Variants in USP26 observed in about 807,000 individuals in gnomAD.
USP26 encodes the protein ubiquitin carboxyl-terminal hydrolase 26.
For missense variants in USP26, 649 were observed against 642.3 expected (o/e 1.01, Z -0.11); for synonymous variants, 236 against 240.6 (o/e 0.98, Z 0.18).
intron 5 of USP26, among the ~76,000 whole-genome samples, chrX:133,076,866 G>A (rs2067550607): frequency 8.9e-6 from 1 of 112,087 alleles, no homozygotes; most frequent in African/African-American, 3.2e-5. Context: ...TGTGCTACAA[G>A]CCATTCAGAT....
In USP26 at chrX:133,026,001, C is replaced by T; in HGVS notation, c.2220G>A (p.Gln740=). Residue 740 remains glutamine (Q), a synonymous_variant, in exon 6 of 6, where the codon CAG becomes CAA. Transcript: ENST00000511190. ...CACAGATTCTCATACCGTCACACTG[C>T]TGAGTCTGTTCAGACACTTTTTGGA... ...ERFQKVSEQT[Q]QCDGMRICEQ... 1 of 1,210,293 alleles carries T rather than the reference C, an allele frequency of 8.3e-7. No individual in the cohort carries two copies. The highest frequency in any genetic ancestry group is 3.0e-5 in the East Asian group (1 of 33,803).
chrX:133,037,012 T>C (rs2067398400), intron 5 of USP26, among the ~76,000 whole-genome samples: 1 of 112,331 alleles, frequency 8.9e-6, no homozygotes, highest in Admixed American at 9.4e-5. Context: ...TTCACGCACT[T>C]TTTGATGGGG....
chrX:133,034,063 C>T (rs190301345), intron 5 of USP26, among the ~76,000 whole-genome samples: 129 of 111,610 alleles, frequency 1.2e-3, no homozygotes, highest in South Asian at 7.9e-3. Context: ...CACTTTATTT[C>T]GATGATTCCC....
At chrX:133,051,811 G>A (rs1403332399) in intron 5 of USP26, among the ~76,000 whole-genome samples, 1 of 112,256 alleles carries the variant, frequency 8.9e-6, no homozygotes, top group Non-Finnish European at 1.9e-5. Flanking sequence ...ATGCCTAAAT[G>A]ATTCTGTACT....
intron 4 of USP26, among the ~76,000 whole-genome samples, chrX:133,085,038 C>T (rs1479604669): frequency 8.9e-6 from 1 of 111,980 alleles, no homozygotes; most frequent in African/African-American, 3.2e-5. Context: ...AAGTGATTCT[C>T]GTGCCTCAGC....
At chrX:133,068,115 G>A (rs1840199394) in intron 5 of USP26, among the ~76,000 whole-genome samples, 1 of 111,814 alleles carries the variant, frequency 8.9e-6, no homozygotes, top group South Asian at 3.7e-4. Context: ...TATGGATGGA[G>A]CTGGAAGCTA....
rs1270620466 is a variant in USP26, at chrX:133,026,523, T to G, written c.1698A>C (p.Glu566Asp). 1 of 1,206,340 alleles carries G rather than the reference T, an allele frequency of 8.3e-7. No individual in the cohort carries two copies. The highest frequency in any genetic ancestry group is 1.1e-6 in the Non-Finnish European group (1 of 894,276). The change falls in exon 6 of 6, where the codon GAA (glutamate) becomes GAC (aspartate). Residue 566 changes from glutamate to aspartate, a missense_variant. Glu to Asp is a conservative substitution (Grantham distance 45). Coordinates refer to ENST00000511190, the MANE Select transcript of USP26 (RefSeq NM_031907.3). ...RPPLPLSEDGEITDFQLLKVI... is the reference protein window; with the variant it reads ...RPPLPLSEDGDITDFQLLKVI... ...CTTTTAATAATTGGAAATCTGTAAT[T>G]TCTCCATCCTCACTCAAGGGAAGAG...
At position 133,023,707 on chromosome X, in the gene USP26, A is replaced by G. The variant is rs767281523; in HGVS notation, c.*1772T>C. The stretch of plus-strand genomic sequence containing the variant: ...TTCAGGTCTCATAAGACCTCCTTCT[A>G]GATAAACTGTGTTCTGAATACAATC... On this transcript the variant is annotated 3_prime_UTR_variant, in exon 6 of 6. Coordinates refer to ENST00000511190, the MANE Select transcript of USP26 (RefSeq NM_031907.3). Among the ~76,000 whole-genome samples the G allele has an allele frequency of 3.6e-5, 4 of 111,763 alleles. No homozygotes were observed. The East Asian group carries it at 1.1e-3, about 32-fold the overall frequency.
At chrX:133,036,848 C>T (rs2067397673) in intron 5 of USP26, among the ~76,000 whole-genome samples, 1 of 112,217 alleles carries the variant, frequency 8.9e-6, no homozygotes, top group Admixed American at 9.4e-5. Context: ...CTGTTGTTTC[C>T]AGACTTTTTA....
intron 5 of USP26, among the ~76,000 whole-genome samples, chrX:133,063,237 C>T (rs1602982236): frequency 1.8e-5 from 2 of 111,147 alleles, no homozygotes; most frequent in East Asian, 5.7e-4. Flanking sequence ...TGTGAAAAGA[C>T]CAAACCTACG....
In USP26 at chrX:133,024,887, C is replaced by G. The variant is rs1324874683; in HGVS notation, c.*592G>C. The G allele has an allele frequency of 8.9e-6, 1 of 112,266 alleles. No individual in the cohort carries two copies. Among genetic ancestry groups the G allele is most frequent in the African/African-American group, 3.3e-5 (1 of 30,193 alleles). 9.3% of individuals were successfully genotyped at this position (112,266 alleles called of 1,213,427 possible). On this transcript the variant is annotated 3_prime_UTR_variant, in exon 6 of 6. Coordinates refer to ENST00000511190, the MANE Select transcript of USP26 (RefSeq NM_031907.3). ...AAGATTTTGCATTTCAAATGACTACCCCCATGCTCCTGGTGCTGCTAGTTT... is the reference window on the plus strand; with the variant it reads ...AAGATTTTGCATTTCAAATGACTACGCCCATGCTCCTGGTGCTGCTAGTTT...
intron 5 of USP26, among the ~76,000 whole-genome samples, chrX:133,032,454 A>G (rs1227261025): frequency 8.9e-6 from 1 of 112,068 alleles, no homozygotes; most frequent in Non-Finnish European, 1.9e-5. Flanking sequence ...GGAGCATGGT[A>G]AAAGAATTGA....
chrX:133,060,932 T>C (rs1266836969), intron 5 of USP26, among the ~76,000 whole-genome samples: 1 of 111,615 alleles, frequency 9.0e-6, no homozygotes, highest in Admixed American at 9.5e-5. Flanking sequence ...GTCACTGTAT[T>C]ATATTAGGTA....
intron 5 of USP26, among the ~76,000 whole-genome samples, chrX:133,041,556 T>C (rs2067419246): frequency 8.9e-6 from 1 of 112,133 alleles, no homozygotes; most frequent in African/African-American, 3.2e-5. Flanking sequence ...TGCCTGCTCC[T>C]TCCTCTGGAA....
At position 133,094,410 on chromosome X, in the gene USP26, C is replaced by CTTT. The variant is rs150988266; in HGVS notation, c.-393+2617_-393+2619dup. 8.5e-3 allele frequency among the ~76,000 whole-genome samples: 854 copies of CTTT among 100,514 alleles called. 24 individuals are homozygous for CTTT. In the East Asian group the frequency reaches 0.093, roughly 11 times the overall value. The allele number at this position is 100,514 out of a possible 115,157, so 87.3% of individuals were successfully genotyped here. A position where few individuals can be genotyped will look rare whatever the true frequency, so the allele number is the denominator to read the frequency against. On this transcript the variant is annotated intron_variant, in intron 1 of 5. Transcript: ENST00000511190. Reference sequence around the variant, plus strand: ...GTCCTCCTTATTCTTAAATAGAAACCTTTTTTTTTTTTTTCTGGGAAGGAA... The same window carrying CTTT: ...GTCCTCCTTATTCTTAAATAGAAACCTTTTTTTTTTTTTTTTTCTGGGAAGGAA...
chrX:133,041,212 T>C (rs1001971931), intron 5 of USP26, among the ~76,000 whole-genome samples: 11 of 111,165 alleles, frequency 9.9e-5, no homozygotes, highest in Non-Finnish European at 2.1e-4. Context: ...AGTCTCATTC[T>C]CCATTTAGTT....
At chrX:133,096,269 A>G in intron 1 of USP26, among the ~76,000 whole-genome samples, 1 of 109,083 alleles carries the variant, frequency 9.2e-6, no homozygotes, top group Non-Finnish European at 1.9e-5. Context: ...AATGAAAAAT[A>G]TGAGAAGCAC....
chrX:133,088,943 GTTTT>G (rs747353965), intron 4 of USP26, among the ~76,000 whole-genome samples: 2 of 99,065 alleles, frequency 2.0e-5, no homozygotes, highest in Non-Finnish European at 4.1e-5. Context: ...TTTAGGTAGA[GTTTT>G]TTTTTTTTTT....
At chrX:133,054,290 C>A (rs12690398) in intron 5 of USP26, among the ~76,000 whole-genome samples, 3,775 of 111,053 alleles carry the variant, frequency 0.034, 98 homozygotes, top group East Asian at 0.1. Context: ...GGTCTTACAG[C>A]TCCAATTAAT....
Sources: gnomAD v4.1 joint callset for allele counts (sites outside exome capture counted in the v4.1 genomes callset) on GRCh38, gnomAD v4.1.1 for gene constraint, MANE v1.5 for transcripts, NCBI Gene and HGNC (gene_info 2026-07-23, HGNC 2026-07-21) for gene names.